Variants in CFAP54 observed in about 807,000 individuals in gnomAD.
CFAP54 encodes cilia- and flagella-associated protein 54.
A neutral mutation model predicts 370.4 loss-of-function variants in CFAP54; 290 were observed. That is an observed-to-expected ratio of 0.78 (90% CI 0.71 to 0.86). The LOEUF (loss-of-function observed/expected upper bound fraction) is 0.86, where lower values mean the gene tolerates loss of function less well. Among genes scored for constraint, CFAP54 ranks in the 40% least tolerant of loss-of-function variants. The pLI is 0.00. For missense variants in CFAP54, 3,399 were observed against 3,528.7 expected (o/e 0.96, Z 0.93); for synonymous variants, 1,206 against 1,236.5 (o/e 0.98, Z 0.52).
chr12:96,766,585 C>T (rs949698663), intron 60 of CFAP54, among the ~76,000 whole-genome samples: 4 of 152,138 alleles, frequency 2.6e-5, no homozygotes, highest in African/African-American at 9.7e-5. Context: ...CAGTTGACAT[C>T]CTAGCTCTCC....
chr12:96,664,689 G>GTATATATATATA (rs1274516967), intron 39 of CFAP54, among the ~76,000 whole-genome samples: 8 of 26,284 alleles, frequency 3.0e-4, no homozygotes, highest in African/African-American at 1.2e-3. Context: ...ATTCCTTTGG[G>GTATATATATATA]TATATATCTA....
At chr12:96,528,389 GGGAGA>G (rs1955405971) in intron 9 of CFAP54, among the ~76,000 whole-genome samples, 1 of 152,210 alleles carries the variant, frequency 6.6e-6, no homozygotes, top group African/African-American at 2.4e-5. Flanking sequence ...CTCTGTTGAA[GGGAGA>G]GACTTTTCTT....
intron 26 of CFAP54, among the ~76,000 whole-genome samples, chr12:96,620,355 G>A (rs1956472534): frequency 1.3e-5 from 2 of 152,180 alleles, no homozygotes; most frequent in Admixed American, 6.5e-5. Context: ...TTCCTGTGCT[G>A]TTCTGGTGAT....
intron 63 of CFAP54, among the ~76,000 whole-genome samples, chr12:96,808,298 G>T (rs1404015615): frequency 6.6e-6 from 1 of 152,028 alleles, no homozygotes; most frequent in Non-Finnish European, 1.5e-5. Context: ...TCACTCTATT[G>T]CAAATTCCTT....
chr12:96,519,738 C>T (rs1021327379), intron 6 of CFAP54, among the ~76,000 whole-genome samples: 26 of 152,178 alleles, frequency 1.7e-4, no homozygotes, highest in African/African-American at 6.3e-4. Context: ...AATGATTAAG[C>T]TAATTAACAT....
chr12:96,518,646 A>G (rs1006529017), intron 5 of CFAP54, among the ~76,000 whole-genome samples: 2 of 152,210 alleles, frequency 1.3e-5, no homozygotes, highest in Non-Finnish European at 2.9e-5. Context: ...CGATTGTGCC[A>G]TTGCACTCCA....
chr12:96,516,331 A>T (rs1955235496), intron 5 of CFAP54, among the ~76,000 whole-genome samples: 1 of 152,216 alleles, frequency 6.6e-6, no homozygotes. Flanking sequence ...ACTCTGTACC[A>T]TTAGAATAAT....
At chr12:96,788,585 G>A (rs185855795) in intron 62 of CFAP54, among the ~76,000 whole-genome samples, 37 of 152,250 alleles carry the variant, frequency 2.4e-4, no homozygotes, top group Admixed American at 1.0e-3. Flanking sequence ...AATGTGGCTT[G>A]TTCCAGAATG....
At position 96,518,969 on chromosome 12, in the gene CFAP54, C is replaced by A; in HGVS notation, c.840C>A (p.Ser280=). The change falls in exon 6 of 68, where the codon TCC becomes TCA. Residue 280 remains serine, a synonymous_variant. Coordinates refer to ENST00000524981, the MANE Select transcript of CFAP54 (RefSeq NM_001306084.2). ...YLLWASMCME[S]LVPLLSLRYL... is the part of the protein sequence containing the mutation. ...TGTGGGCCAGCATGTGTATGGAGTC[C>A]TTGGTCCCGCTCCTGTCACTCAGGT... is the stretch of plus-strand genomic sequence containing the variant. 5.9e-6 allele frequency: 9 copies of A among 1,535,956 alleles called. No homozygotes were observed. The highest frequency in any genetic ancestry group is 7.0e-6 in the Non-Finnish European group (8 of 1,146,834).
At chr12:96,602,176 AAAG>A (rs1456845539) in intron 26 of CFAP54, among the ~76,000 whole-genome samples, 2 of 152,118 alleles carry the variant, frequency 1.3e-5, no homozygotes, top group African/African-American at 2.4e-5. Flanking sequence ...CATTGCTTTC[AAAG>A]AAGATCTTTA....
chr12:96,529,552 G>A (rs1955418504), intron 9 of CFAP54, among the ~76,000 whole-genome samples: 2 of 151,944 alleles, frequency 1.3e-5, no homozygotes, highest in South Asian at 4.1e-4. Flanking sequence ...GTCCATTTTG[G>A]TGTGAATTCA....
At chr12:96,614,425 CT>C (rs1311618205) in intron 26 of CFAP54, among the ~76,000 whole-genome samples, 1 of 152,156 alleles carries the variant, frequency 6.6e-6, no homozygotes, top group African/African-American at 2.4e-5. Flanking sequence ...TGGGCAAAAA[CT>C]GGAAGCATTC....
Position 96,527,417 on chromosome 12 carries a change from T to A in CFAP54, c.1330T>A (p.Phe444Ile). The change falls in exon 9 of 68, where the codon TTT becomes ATT. Residue 444 changes from phenylalanine (F) to isoleucine (I), a missense_variant. Physicochemically the swap from Phe to Ile is conservative, Grantham distance 21. This residue lies in a region of CFAP54 where 559 missense variants were observed against 576.7 expected (regional missense o/e 0.97). Transcript: ENST00000524981. ...VEIHDVVSEL[F>I]MAGKELLIMS... ...GATTCATGATGTTGTCTCAGAATTG[T>A]TTATGGCAGGAAAAGAACTTTTGAT... 15 of 1,521,918 alleles carry A rather than the reference T, an allele frequency of 9.9e-6. No homozygotes were observed. The highest frequency in any genetic ancestry group is 1.2e-5 in the Non-Finnish European group (14 of 1,138,670). 94.3% of individuals were successfully genotyped at this position (1,521,918 alleles called of 1,614,324 possible).
At chr12:96,805,961 A>G (rs572640670) in intron 63 of CFAP54, among the ~76,000 whole-genome samples, 25 of 151,562 alleles carry the variant, frequency 1.6e-4, no homozygotes, top group South Asian at 1.0e-3. Context: ...TAACTCAGCC[A>G]AATAGCACAT....
At chr12:96,557,312 TAAC>T (rs1320803893) in intron 17 of CFAP54, among the ~76,000 whole-genome samples, 1 of 152,164 alleles carries the variant, frequency 6.6e-6, no homozygotes, top group South Asian at 2.1e-4. Context: ...ATAAGACAAA[TAAC>T]AAGACAATAA....
chr12:96,676,144 C>T (rs1957205727), intron 39 of CFAP54, among the ~76,000 whole-genome samples: 1 of 152,144 alleles, frequency 6.6e-6, no homozygotes, highest in African/African-American at 2.4e-5. Context: ...TGAATGCTTA[C>T]TCCATGACAG....
At chr12:96,625,887 G>C in intron 29 of CFAP54, 80 bp downstream of exon 29, 2 of 1,126,932 alleles carry the variant, frequency 1.8e-6, no homozygotes, top group Non-Finnish European at 2.5e-6. Context: ...TGTTTCTGTT[G>C]TCTGCTTGAA....
At chr12:96,757,062 A>G (rs2136661006) in intron 57 of CFAP54, among the ~76,000 whole-genome samples, 1 of 152,318 alleles carries the variant, frequency 6.6e-6, no homozygotes, top group South Asian at 2.1e-4. Context: ...GACCTAACCC[A>G]TACCAAATCA....
At chr12:96,506,830 G>T in intron 3 of CFAP54, 98 bp from the exon 4 acceptor site, 2 of 1,011,020 alleles carry the variant, frequency 2.0e-6, no homozygotes, top group East Asian at 2.8e-5. Flanking sequence ...CAGGTGATTT[G>T]CCCACCTTGG....
Sources: gnomAD v4.1 joint callset for allele counts (sites outside exome capture counted in the v4.1 genomes callset) on GRCh38, gnomAD v4.1.1 for gene constraint, gnomAD v4.1.1 regional missense constraint, MANE v1.5 for transcripts, NCBI Gene and HGNC (gene_info 2026-07-23, HGNC 2026-07-21) for gene names.